Variants in KCTD8 observed in about 807,000 individuals in gnomAD.
KCTD8 encodes potassium channel tetramerization domain containing 8.
KCTD8 carries 27 observed loss-of-function variants against 31.5 expected under a neutral mutation model. That is an observed-to-expected ratio of 0.86 (90% CI 0.63 to 1.18). KCTD8 has a LOEUF of 1.18. KCTD8 is among the 50% of genes most tolerant of loss of function. The pLI, the probability that KCTD8 is intolerant of heterozygous loss-of-function variation, is 0.00. For synonymous variants in KCTD8, 290 were observed against 280.0 expected, an observed-to-expected ratio of 1.04 and a Z score of -0.36; for missense variants, 658 against 647.7, an observed-to-expected ratio of 1.02 and a Z score of -0.17.
chr4:44,182,148 C>T (rs983563423), intron 1 of KCTD8, among the ~76,000 whole-genome samples: 4 of 151,228 alleles, frequency 2.6e-5, no homozygotes, highest in Admixed American at 6.6e-5. Context: ...CCCGGCCAGC[C>T]GCCCCGTCCG....
At chr4:44,240,602 T>C (rs563752995) in intron 1 of KCTD8, among the ~76,000 whole-genome samples, 9 of 152,212 alleles carry the variant, frequency 5.9e-5, no homozygotes, top group Admixed American at 5.9e-4. Context: ...GCCTCCAGAG[T>C]AGCTGGGACG....
At chr4:44,194,547 T>G (rs1056550305) in intron 1 of KCTD8, among the ~76,000 whole-genome samples, 4 of 151,990 alleles carry the variant, frequency 2.6e-5, no homozygotes, top group Admixed American at 2.6e-4. Flanking sequence ...AAAAACAGAG[T>G]ATGCTTCTGG....
chr4:44,235,089 T>C (rs1447723300), intron 1 of KCTD8, among the ~76,000 whole-genome samples: 1 of 151,508 alleles, frequency 6.6e-6, no homozygotes, highest in South Asian at 2.1e-4. Context: ...ATTAACCACG[T>C]TGACCAATGA....
At chr4:44,330,164 G>T (rs1718559251) in intron 1 of KCTD8, among the ~76,000 whole-genome samples, 1 of 151,760 alleles carries the variant, frequency 6.6e-6, no homozygotes, top group Non-Finnish European at 1.5e-5. Flanking sequence ...TAATTAGGTG[G>T]ACCTTTTGGT....
At chr4:44,388,996 T>C (rs1176717970) in intron 1 of KCTD8, among the ~76,000 whole-genome samples, 1 of 151,794 alleles carries the variant, frequency 6.6e-6, no homozygotes, top group Non-Finnish European at 1.5e-5. Flanking sequence ...ATGGAGGACA[T>C]TATGATAAGT....
At chr4:44,222,650 G>A (rs1215037924) in intron 1 of KCTD8, among the ~76,000 whole-genome samples, 1 of 152,146 alleles carries the variant, frequency 6.6e-6, no homozygotes, top group East Asian at 1.9e-4. Context: ...GTCCACCTTT[G>A]TAATCTCAGG....
At chr4:44,291,923 T>C (rs1717286417) in intron 1 of KCTD8, among the ~76,000 whole-genome samples, 2 of 118,224 alleles carry the variant, frequency 1.7e-5, no homozygotes, top group Admixed American at 1.1e-4. Context: ...AAAGCCACAA[T>C]GAAATACCAT....
intron 1 of KCTD8, among the ~76,000 whole-genome samples, chr4:44,397,942 T>C (rs1720550372): frequency 6.6e-6 from 1 of 152,152 alleles, no homozygotes; most frequent in East Asian, 1.9e-4. Context: ...ATTTACTTTT[T>C]TTAAAAAAAC....
chr4:44,218,381 G>A (rs760113293), intron 1 of KCTD8, among the ~76,000 whole-genome samples: 4 of 151,260 alleles, frequency 2.6e-5, no homozygotes, highest in South Asian at 4.2e-4. Flanking sequence ...TGATCTGTCC[G>A]CTTTGGCCTC....
intron 1 of KCTD8, among the ~76,000 whole-genome samples, chr4:44,281,617 A>G (rs145498958): frequency 6.6e-6 from 1 of 152,248 alleles, no homozygotes; most frequent in Non-Finnish European, 1.5e-5. Context: ...TGCCGTTCCA[A>G]CCATAATGAT....
chr4:44,387,569 C>T (rs4557297), intron 1 of KCTD8, among the ~76,000 whole-genome samples: 105,632 of 151,666 alleles, frequency 0.7, 37,532 homozygotes, highest in Admixed American at 0.8. Flanking sequence ...TAAGACCACA[C>T]ACCTGTAACT....
chr4:44,319,809 A>G (rs1245093592), intron 1 of KCTD8, among the ~76,000 whole-genome samples: 5 of 152,150 alleles, frequency 3.3e-5, no homozygotes, highest in Admixed American at 2.6e-4. Flanking sequence ...TTTTTCCAGA[A>G]AGCCTTATGT....
chr4:44,243,893 A>G (rs1052256555), intron 1 of KCTD8, among the ~76,000 whole-genome samples: 2 of 152,186 alleles, frequency 1.3e-5, no homozygotes, highest in African/African-American at 4.8e-5. Context: ...TTATGCAAAA[A>G]CAATCTTCTG....
At chr4:44,396,297 G>T (rs971618195) in intron 1 of KCTD8, among the ~76,000 whole-genome samples, 1 of 152,090 alleles carries the variant, frequency 6.6e-6, no homozygotes, top group African/African-American at 2.4e-5. Flanking sequence ...CAGACAAAAT[G>T]AAGCTTCACT....
At chr4:44,317,295 A>G (rs1718162627) in intron 1 of KCTD8, among the ~76,000 whole-genome samples, 2 of 103,392 alleles carry the variant, frequency 1.9e-5, no homozygotes, top group Admixed American at 2.6e-4. Context: ...TGCGGACTGC[A>G]GTGGCGCAAT....
At chr4:44,289,482 A>C (rs1207751233) in intron 1 of KCTD8, among the ~76,000 whole-genome samples, 1 of 152,114 alleles carries the variant, frequency 6.6e-6, no homozygotes, top group Non-Finnish European at 1.5e-5. Flanking sequence ...GTTGATACAG[A>C]GGCAATGCAG....
At position 44,447,647 on chromosome 4, in the gene KCTD8, A is replaced by C; in HGVS notation, c.877T>G (p.Cys293Gly). The change falls in exon 1 of 2, where the codon TGT (cysteine) becomes GGT (glycine). Residue 293 changes from cysteine to glycine, a missense_variant. Cys to Gly is a radical substitution (Grantham distance 159, BLOSUM62 -3). Transcript: ENST00000360029. Reference sequence around the variant, plus strand: ...AAGGCGGCGGTGCCCGAGGAGTTACACGCCACCATGTGGAAGCCGGCCTCG... The same window carrying C: ...AAGGCGGCGGTGCCCGAGGAGTTACCCGCCACCATGTGGAAGCCGGCCTCG... ...LSEAGFHMVA[C>G]NSSGTAAFVN... 6.2e-7 allele frequency: 1 copy of C among 1,610,644 alleles called. No individual in the cohort carries two copies. The highest frequency in any genetic ancestry group is 1.3e-5 in the African/African-American group (1 of 74,978).
intron 1 of KCTD8, among the ~76,000 whole-genome samples, chr4:44,337,225 A>G (rs879345789): frequency 6.6e-6 from 1 of 152,224 alleles, no homozygotes; most frequent in Non-Finnish European, 1.5e-5. Flanking sequence ...GGCTGGTAGG[A>G]GTATAAATTA....
chr4:44,424,139 T>C lies in KCTD8; in HGVS notation c.961+23424A>G, dbSNP rs987470102. ...GATGTCATTATCATGAATATCATTGTGTAAAATCAACGGGGTGACAATGTT... is the reference window on the plus strand; with the variant it reads ...GATGTCATTATCATGAATATCATTGCGTAAAATCAACGGGGTGACAATGTT... On this transcript the variant is annotated intron_variant, in intron 1 of 1. Coordinates refer to ENST00000360029, the MANE Select transcript of KCTD8 (RefSeq NM_198353.3). Among the ~76,000 whole-genome samples, 3 of 152,218 alleles carry C rather than the reference T, an allele frequency of 2.0e-5. No homozygotes were observed. The East Asian group carries it at 5.8e-4, about 29-fold the overall frequency.
Sources: gnomAD v4.1 joint callset for allele counts (sites outside exome capture counted in the v4.1 genomes callset) on GRCh38, gnomAD v4.1.1 for gene constraint, MANE v1.5 for transcripts, NCBI Gene and HGNC (gene_info 2026-07-23, HGNC 2026-07-21) for gene names.